The following CDH2 variants were observed in gnomAD, a reference collection of about 807,000 sequenced individuals.
CDH2 encodes cadherin-2.
A neutral mutation model predicts 92.0 loss-of-function variants in CDH2; 17 were observed. The ratio of observed to expected loss-of-function variants is 0.18; its 90% CI spans 0.13 to 0.28. The LOEUF (loss-of-function observed/expected upper bound fraction) is 0.28, where lower values mean the gene tolerates loss of function less well. CDH2 is among the 10% of genes least tolerant of loss of function. CDH2 has a pLI of 1.00. For synonymous variants in CDH2, 419 were observed against 415.9 expected, an observed-to-expected ratio of 1.01 and a Z score of -0.09; for missense variants, 862 against 1,133.1, an observed-to-expected ratio of 0.76 and a Z score of 3.44.
At chr18:28,012,567 T>G (rs1226857309) in intron 3 of CDH2, among the ~76,000 whole-genome samples, 1 of 152,216 alleles carries the variant, frequency 6.6e-6, no homozygotes, top group Non-Finnish European at 1.5e-5. Context: ...GTCAACATTT[T>G]CTTCTGTTTC....
At chr18:28,156,018 G>A (rs2016204747) in intron 1 of CDH2, among the ~76,000 whole-genome samples, 1 of 152,090 alleles carries the variant, frequency 6.6e-6, no homozygotes, top group Non-Finnish European at 1.5e-5. Context: ...ATTCTGGAAG[G>A]AGATTATCTT....
rs140571197 is a variant in CDH2, at chr18:28,143,701, C to T, written c.172+3972G>A. Among the ~76,000 whole-genome samples, 727 of 151,866 alleles carry T rather than the reference C, an allele frequency of 4.8e-3. 4 individuals are homozygous for T. The highest frequency in any genetic ancestry group is 0.015 in the African/African-American group (603 of 41,424). ...TGTTATACCATAAGTTTTTTATCATCACCATCATCAGAACTAAATTAGAAA... is the reference window on the plus strand; with the variant it reads ...TGTTATACCATAAGTTTTTTATCATTACCATCATCAGAACTAAATTAGAAA... On this transcript the variant is annotated intron_variant, in intron 2 of 15. Transcript: ENST00000269141.
rs5823568 is a variant in CDH2, at chr18:27,955,761, G to GTTTTTTTTTTTTTTTTTTTTTTTTTTT, written c.2515-3403_2515-3402insAAAAAAAAAAAAAAAAAAAAAAAAAAA. Among the ~76,000 whole-genome samples the GTTTTTTTTTTTTTTTTTTTTTTTTTTT allele has an allele frequency of 1.2e-4, 13 of 111,708 alleles. 2 individuals carry two copies. The highest frequency in any genetic ancestry group is 5.6e-4 in the East Asian group (2 of 3,584). The allele number at this position is 111,708 out of a possible 152,430, so 73.3% of individuals were successfully genotyped here. On this transcript the variant is annotated intron_variant, in intron 15 of 15. Transcript: ENST00000269141. Reference sequence around the variant, plus strand: ...ACAAATCTCTGTTTTCTTTATTTCTGTTTTTTTTTTTTTTTTTTTAAAGAG... The same window carrying GTTTTTTTTTTTTTTTTTTTTTTTTTTT: ...ACAAATCTCTGTTTTCTTTATTTCTGTTTTTTTTTTTTTTTTTTTTTTTTTTTTTTTTTTTTTTTTTTTTTTAAAGAG...
chr18:28,148,308 T>G (rs2016069532), intron 1 of CDH2, among the ~76,000 whole-genome samples: 1 of 152,078 alleles, frequency 6.6e-6, no homozygotes, highest in African/African-American at 2.4e-5. Flanking sequence ...GTAAAACCAA[T>G]CAAAACTATA....
At chr18:27,942,164 T>C (rs1909154407) in intron 6 of CDH2, among the ~76,000 whole-genome samples, 1 of 152,194 alleles carries the variant, frequency 6.6e-6, no homozygotes. Flanking sequence ...AAAAAGAATA[T>C]GTATGTTAGA....
At chr18:27,947,695 A>G (rs1191140077), downstream of CDH2, among the ~76,000 whole-genome samples, 1 of 141,976 alleles carries the variant, frequency 7.0e-6, no homozygotes, top group African/African-American at 2.5e-5. Context: ...ATAAGTGTAT[A>G]TGATGTAAGT....
intron 2 of CDH2, among the ~76,000 whole-genome samples, chr18:28,077,817 G>A (rs1305271714): frequency 6.7e-6 from 1 of 148,550 alleles, no homozygotes; most frequent in Non-Finnish European, 1.5e-5. Context: ...CTTGAACCCG[G>A]GAGTTGGAGG....
intron 1 of CDH2, among the ~76,000 whole-genome samples, chr18:28,155,752 AT>A (rs916588646): frequency 6.6e-6 from 1 of 152,272 alleles, no homozygotes; most frequent in South Asian, 2.1e-4. Flanking sequence ...AGCACGACTA[AT>A]TTTTTTATTT....
Position 27,952,090 on chromosome 18 carries a change from G to A in CDH2, c.*63C>T. The A allele has an allele frequency of 2.2e-6, 3 of 1,389,054 alleles. No individual in the cohort carries two copies. The highest frequency in any genetic ancestry group is 3.1e-6 in the Non-Finnish European group (3 of 976,986). The allele number at this position is 1,389,054 out of a possible 1,614,324, so 86.0% of individuals were successfully genotyped here. Reference sequence around the variant, plus strand: ...CAAAGTTAAAGCCTAGCTTCTGAATGCTTTTTGGGAATATCAGTTGAAATT... The same window carrying A: ...CAAAGTTAAAGCCTAGCTTCTGAATACTTTTTGGGAATATCAGTTGAAATT... On this transcript the variant is annotated 3_prime_UTR_variant, in exon 16 of 16. Transcript: ENST00000269141.
intron 6 of CDH2, among the ~76,000 whole-genome samples, chr18:27,937,132 G>T (rs1057192037): frequency 1.3e-5 from 2 of 152,090 alleles, no homozygotes; most frequent in Admixed American, 6.5e-5. Context: ...AAATTGTGGG[G>T]TCAACTTTCA....
intron 2 of CDH2, among the ~76,000 whole-genome samples, chr18:28,101,640 A>C (rs903793807): frequency 6.6e-6 from 1 of 152,146 alleles, no homozygotes; most frequent in South Asian, 2.1e-4. Context: ...ATGTTTGCTG[A>C]AATAGCTGTT....
Position 27,990,147 on chromosome 18 carries a change from C to T in CDH2, c.1548G>A (p.Leu516=). The change falls in exon 10 of 16, where the codon TTG becomes TTA. Residue 516 remains leucine, a synonymous_variant. Coordinates refer to ENST00000269141, the MANE Select transcript of CDH2 (RefSeq NM_001792.5). ...CTGGGTCCTGAGCAGTGAATGTTGT[C>T]AACATGGTACCGGCATGAAGCCCTT... ...QEEGLHAGTM[L]TTFTAQDPDR... 6.2e-7 allele frequency: 1 copy of T among 1,614,022 alleles called. No individual in the cohort carries two copies. The highest frequency in any genetic ancestry group is 8.5e-7 in the Non-Finnish European group (1 of 1,179,918).
At chr18:27,946,322 T>G (rs1347470225), downstream of CDH2, among the ~76,000 whole-genome samples, 5 of 151,792 alleles carry the variant, frequency 3.3e-5, no homozygotes, top group African/African-American at 1.2e-4. Flanking sequence ...TTGACTACCC[T>G]GATGAAGAAA....
intron 2 of CDH2, among the ~76,000 whole-genome samples, chr18:28,057,904 T>C (rs2014325846): frequency 6.6e-6 from 1 of 152,154 alleles, no homozygotes; most frequent in African/African-American, 2.4e-5. Context: ...TCACTCATCA[T>C]GGAGTAGAAA....
At chr18:28,055,387 T>C (rs1258574947) in intron 2 of CDH2, among the ~76,000 whole-genome samples, 5 of 152,160 alleles carry the variant, frequency 3.3e-5, no homozygotes, top group African/African-American at 1.2e-4. Flanking sequence ...TATGCCTTTG[T>C]CTCAGAAAAT....
chr18:28,141,334 T>A (rs1299136256), intron 2 of CDH2, among the ~76,000 whole-genome samples: 1 of 151,886 alleles, frequency 6.6e-6, no homozygotes, highest in African/African-American at 2.4e-5. Flanking sequence ...GCAAAAGGTG[T>A]ATGAGGCTAC....
intron 2 of CDH2, among the ~76,000 whole-genome samples, chr18:28,044,775 T>A (rs905367687): frequency 9.5e-6 from 1 of 104,772 alleles, no homozygotes; most frequent in Non-Finnish European, 1.9e-5. Context: ...CTTAGTTACT[T>A]GTCAAAAAAA....
chr18:28,168,307 T>C (rs935564820), intron 1 of CDH2, among the ~76,000 whole-genome samples: 5 of 152,236 alleles, frequency 3.3e-5, no homozygotes, highest in African/African-American at 1.2e-4. Flanking sequence ...TCACCGGAAC[T>C]TGTCTGCAGT....
rs747930845 is a variant in CDH2 at position 27,985,679 on chromosome 18, T to C, written c.1824A>G (p.Gln608=). 2 of 1,613,980 alleles carry C rather than the reference T, an allele frequency of 1.2e-6. No homozygotes were observed. Among genetic ancestry groups the C allele is most frequent in the South Asian group, 2.2e-5 (2 of 91,076 alleles). Reference sequence around the variant, plus strand: ...CTGGAGTTTCGCAAGTCTCTGCCTCTTGAGGTAACACTTGAGGGGCATTGT... The same window carrying C: ...CTGGAGTTTCGCAAGTCTCTGCCTCCTGAGGTAACACTTGAGGGGCATTGT... ...INDNAPQVLP[Q]EAETCETPDP... The change falls in exon 12 of 16, where the codon CAA becomes CAG. Residue 608 remains glutamine (Q), a synonymous_variant. Coordinates refer to ENST00000269141, the MANE Select transcript of CDH2 (RefSeq NM_001792.5).
Sources: allele counts gnomAD v4.1 joint callset (sites outside exome capture counted in the v4.1 genomes callset), GRCh38; gene constraint gnomAD v4.1.1; transcripts MANE v1.5; gene names NCBI Gene and HGNC (gene_info 2026-07-23, HGNC 2026-07-21).